Variants in CLVS1 observed in about 807,000 individuals in gnomAD.
The protein encoded by CLVS1 is clavesin 1, also known as clavesin-1.
CLVS1 carries 10 observed loss-of-function variants against 33.1 expected under a neutral mutation model. That is an observed-to-expected ratio of 0.30 (90% CI 0.19 to 0.51). The LOEUF (loss-of-function observed/expected upper bound fraction) is 0.51, where lower values mean the gene tolerates loss of function less well. CLVS1 is among the 20% of genes least tolerant of loss of function. CLVS1 has a pLI of 0.97. For synonymous variants in CLVS1, 163 were observed against 166.1 expected (o/e 0.98, Z 0.14); for missense variants, 343 against 433.4 (o/e 0.79, Z 1.85).
chr8:61,068,350 C>G (rs957621572), intron 1 of CLVS1, among the ~76,000 whole-genome samples: 2 of 151,546 alleles, frequency 1.3e-5, no homozygotes, highest in Non-Finnish European at 2.9e-5. Context: ...GGCTAAGACT[C>G]CAGGGCGGGA....
At chr8:61,184,556 G>T (rs1807304899) in intron 2 of CLVS1, among the ~76,000 whole-genome samples, 1 of 152,218 alleles carries the variant, frequency 6.6e-6, no homozygotes, top group Admixed American at 6.5e-5. Context: ...AGGAGCCTCA[G>T]CCCTCCCTGT....
At chr8:60,971,529 C>G in the CLVS1 span, among the ~76,000 whole-genome samples, 1 of 151,840 alleles carries the variant, frequency 6.6e-6, no homozygotes, top group Non-Finnish European at 1.5e-5. Flanking sequence ...CCCTTTTTTT[C>G]TGTGTATTTG....
chr8:60,995,417 A>G, the CLVS1 span, among the ~76,000 whole-genome samples: 1 of 152,218 alleles, frequency 6.6e-6, no homozygotes, highest in South Asian at 2.1e-4. Context: ...AAAAATGCTC[A>G]CCATCACTGG....
chr8:61,354,505 A>G (rs191581915), intron 2 of CLVS1, among the ~76,000 whole-genome samples: 10 of 152,224 alleles, frequency 6.6e-5, no homozygotes, highest in Admixed American at 2.6e-4. Flanking sequence ...ATAAAAACCT[A>G]TATTCACAAA....
intron 3 of CLVS1, among the ~76,000 whole-genome samples, chr8:61,443,300 A>T (rs1816637197): frequency 6.6e-6 from 1 of 151,910 alleles, no homozygotes; most frequent in Non-Finnish European, 1.5e-5. Flanking sequence ...AAGTCTAAGA[A>T]CCTCTTGCCA....
chr8:61,274,682 G>A (rs772189234), intron 2 of CLVS1, among the ~76,000 whole-genome samples: 2 of 152,114 alleles, frequency 1.3e-5, no homozygotes, highest in East Asian at 1.9e-4. Context: ...ATACATCATG[G>A]CAAAGGAGCA....
At chr8:61,298,244 A>G (rs971836039) in intron 1 of CLVS1, among the ~76,000 whole-genome samples, 12 of 152,148 alleles carry the variant, frequency 7.9e-5, no homozygotes, top group African/African-American at 2.7e-4. Flanking sequence ...ACTTCTTACA[A>G]TTCTGGGAAG....
At chr8:61,028,578 G>T in the CLVS1 span, among the ~76,000 whole-genome samples, 2 of 152,242 alleles carry the variant, frequency 1.3e-5, no homozygotes, top group African/African-American at 4.8e-5. Flanking sequence ...GTAGGTTCCT[G>T]GGCCTTTCAA....
the CLVS1 span, among the ~76,000 whole-genome samples, chr8:61,045,017 C>T: frequency 6.6e-6 from 1 of 152,222 alleles, no homozygotes; most frequent in Non-Finnish European, 1.5e-5. Flanking sequence ...ATGCCAGCCT[C>T]TGTCCTTGGC....
chr8:61,200,624 G>A (rs180914582), intron 2 of CLVS1, among the ~76,000 whole-genome samples: 2 of 152,278 alleles, frequency 1.3e-5, no homozygotes, highest in East Asian at 3.9e-4. Flanking sequence ...AAGTGAGATT[G>A]CTGGTCCAAA....
At chr8:61,163,994 A>C (rs1476643016) in intron 2 of CLVS1, among the ~76,000 whole-genome samples, 1 of 152,168 alleles carries the variant, frequency 6.6e-6, no homozygotes, top group African/African-American at 2.4e-5. Context: ...GAGGGGACCC[A>C]AAGGGGGTTG....
the CLVS1 span, among the ~76,000 whole-genome samples, chr8:60,981,728 A>G: frequency 1.3e-5 from 2 of 152,238 alleles, no homozygotes; most frequent in African/African-American, 4.8e-5. Flanking sequence ...GGCAGAAAGT[A>G]CAGAGGAACA....
chr8:61,074,317 A>C (rs1205906954), intron 1 of CLVS1, among the ~76,000 whole-genome samples: 1 of 148,748 alleles, frequency 6.7e-6, no homozygotes, highest in Non-Finnish European at 1.5e-5. Context: ...CAGCATGGTC[A>C]ACAGAGCGAG....
intron 5 of CLVS1, among the ~76,000 whole-genome samples, chr8:61,472,214 GTAT>G (rs1266827180): frequency 6.6e-6 from 1 of 152,198 alleles, no homozygotes. Flanking sequence ...GTTTACCTAT[GTAT>G]TATATCTCCT....
chr8:61,043,496 A>G, the CLVS1 span, among the ~76,000 whole-genome samples: 3 of 152,272 alleles, frequency 2.0e-5, no homozygotes, highest in Non-Finnish European at 4.4e-5. Context: ...GGCTCCAATT[A>G]CAGCTGCTTT....
chr8:61,027,727 T>C, the CLVS1 span, among the ~76,000 whole-genome samples: 1 of 152,198 alleles, frequency 6.6e-6, no homozygotes, highest in Non-Finnish European at 1.5e-5. Context: ...ATGGGCTGTG[T>C]ATTTTCAATA....
At chr8:61,360,174 C>T (rs181922511) in intron 2 of CLVS1, among the ~76,000 whole-genome samples, 1 of 152,310 alleles carries the variant, frequency 6.6e-6, no homozygotes, top group Non-Finnish European at 1.5e-5. Flanking sequence ...GAAGAACACA[C>T]CTTTCCCACT....
chr8:60,966,526 T>C, the CLVS1 span: 1 of 368,114 alleles, frequency 2.7e-6, no homozygotes, highest in Non-Finnish European at 5.4e-6. Context: ...TCCCAATATA[T>C]GCCAGAGAAA....
chr8:61,421,714 CTCAA>C (rs1298441057), intron 3 of CLVS1, among the ~76,000 whole-genome samples: 2 of 152,246 alleles, frequency 1.3e-5, no homozygotes. Flanking sequence ...TTCACAGCCC[CTCAA>C]TCAATTTCCA....
Sources: gnomAD v4.1 joint callset for allele counts (sites outside exome capture counted in the v4.1 genomes callset) on GRCh38, gnomAD v4.1.1 for gene constraint, MANE v1.5 for transcripts, NCBI Gene and HGNC (gene_info 2026-07-23, HGNC 2026-07-21) for gene names.